The following ATP6V1A variants were observed in gnomAD, a reference collection of about 807,000 sequenced individuals.
ATP6V1A encodes the protein V-type proton ATPase catalytic subunit A.
A neutral mutation model predicts 70.1 loss-of-function variants in ATP6V1A; 18 were observed. The ratio of observed to expected loss-of-function variants is 0.26; its 90% CI spans 0.18 to 0.38. ATP6V1A has a LOEUF of 0.38. ATP6V1A is among the 10% of genes least tolerant of loss of function. ATP6V1A has a pLI of 1.00. For missense variants in ATP6V1A, 424 were observed against 772.4 expected, an observed-to-expected ratio of 0.55 and a Z score of 5.35; for synonymous variants, 232 against 253.8, an observed-to-expected ratio of 0.91 and a Z score of 0.82.
intron 13 of ATP6V1A, among the ~76,000 whole-genome samples, chr3:113,804,883 G>T (rs896377439): frequency 4.6e-5 from 7 of 152,120 alleles, no homozygotes; most frequent in African/African-American, 1.7e-4. Context: ...AGAAAAAAGG[G>T]GCTACTACTA....
chr3:113,790,618 C>T (rs905568413), intron 8 of ATP6V1A, among the ~76,000 whole-genome samples: 2 of 152,120 alleles, frequency 1.3e-5, no homozygotes, highest in African/African-American at 4.8e-5. Context: ...ATAAAACTTA[C>T]ATTCTATTCT....
chr3:113,771,545 C>T (rs1418999289), intron 1 of ATP6V1A, among the ~76,000 whole-genome samples: 1 of 149,288 alleles, frequency 6.7e-6, no homozygotes, highest in East Asian at 2.0e-4. Flanking sequence ...TCAGGCCATT[C>T]TCCTGCCTCA....
chr3:113,805,226 G>T lies in ATP6V1A; in HGVS notation c.1590-128G>T, dbSNP rs186116195. 2,862 of 913,210 alleles carry T rather than the reference G, an allele frequency of 3.1e-3. 9 individuals are homozygous for T. Among genetic ancestry groups the T allele is most frequent in the Non-Finnish European group, 4.3e-3 (2,599 of 607,100 alleles). 56.6% of individuals were successfully genotyped at this position (913,210 alleles called of 1,614,324 possible). A position where few individuals can be genotyped will look rare whatever the true frequency, so the allele number is the denominator to read the frequency against. ...TCACTATTATTTTTTTATTCCTTAG[G>T]TATCATCTAATAAATAAGCAATCTG... On this transcript the variant is annotated intron_variant, in intron 13 of 14. Coordinates refer to ENST00000273398, the MANE Select transcript of ATP6V1A (RefSeq NM_001690.4).
chr3:113,794,954 C>A lies in ATP6V1A; in HGVS notation c.1071C>A (p.Ala357=). ...ACTCTACCTCTAGATGGGCTGAGGC[C>A]CTTAGAGAAATCTCTGGTCGTTTAG... is the stretch of plus-strand genomic sequence containing the variant. The part of the protein sequence containing the change: ...MADSTSRWAE[A]LREISGRLAE... Residue 357 remains alanine, a synonymous_variant, in exon 9 of 15, where the codon GCC becomes GCA. Coordinates refer to ENST00000273398, the MANE Select transcript of ATP6V1A (RefSeq NM_001690.4). 2 of 1,613,984 alleles carry A rather than the reference C, an allele frequency of 1.2e-6. No homozygotes were observed. Among genetic ancestry groups the A allele is most frequent in the Non-Finnish European group, 1.7e-6 (2 of 1,179,962 alleles).
At position 113,762,436 on chromosome 3, in the gene ATP6V1A, C is replaced by T. The variant is rs932391749; in HGVS notation, c.-14+15323C>T. Among the ~76,000 whole-genome samples the T allele has an allele frequency of 9.9e-5, 15 of 152,092 alleles. No individual in the cohort carries two copies. The South Asian group carries it at 2.3e-3, about 23-fold the overall frequency. On this transcript the variant is annotated intron_variant, in intron 1 of 14. Transcript: ENST00000273398. ...ATACAAAATTAGCTGGGCGTGGTGG[C>T]GCATACCTGTAATCCCAGCTACTCG...
At chr3:113,795,779 G>A (rs113383608) in intron 10 of ATP6V1A, 97 bp from the exon 11 acceptor site, 40 of 910,130 alleles carry the variant, frequency 4.4e-5, no homozygotes, top group African/African-American at 3.3e-4. Flanking sequence ...CATTAAAATC[G>A]ACTTTAAAAA....
chr3:113,806,648 C>T (rs553061162), intron 14 of ATP6V1A, among the ~76,000 whole-genome samples: 4 of 152,074 alleles, frequency 2.6e-5, no homozygotes, highest in Admixed American at 1.3e-4. Context: ...TTAGTAGAGA[C>T]GGGGTTTCAC....
chr3:113,784,517 T>TA, intron 4 of ATP6V1A, 79 bp downstream of exon 4: 3 of 1,426,426 alleles, frequency 2.1e-6, no homozygotes, highest in Non-Finnish European at 2.9e-6. Context: ...ATTGTACTCT[T>TA]AGTCCAAATA....
intron 1 of ATP6V1A, 52 bp from the exon 2 acceptor site, chr3:113,778,689 T>C (rs1213017922): frequency 1.7e-6 from 2 of 1,174,636 alleles, no homozygotes; most frequent in Non-Finnish European, 2.3e-6. Context: ...ATTTTGGGTC[T>C]TTTGCTTTAC....
At chr3:113,773,747 C>T (rs1708877285) in intron 1 of ATP6V1A, among the ~76,000 whole-genome samples, 1 of 152,148 alleles carries the variant, frequency 6.6e-6, no homozygotes, top group South Asian at 2.1e-4. Context: ...CCTCTTTGTT[C>T]ATCCCTCCAA....
intron 1 of ATP6V1A, among the ~76,000 whole-genome samples, chr3:113,766,603 A>G (rs921841456): frequency 2.0e-5 from 3 of 152,094 alleles, no homozygotes; most frequent in Non-Finnish European, 4.4e-5. Flanking sequence ...CTCAGAGATC[A>G]TCTCTAGAGG....
At chr3:113,784,946 GTAACTCCTA>G (rs1460476436) in intron 5 of ATP6V1A, 113 bp downstream of exon 5, 1 of 1,151,496 alleles carries the variant, frequency 8.7e-7, no homozygotes, top group African/African-American at 1.6e-5. Flanking sequence ...TAAGTTTTGA[GTAACTCCTA>G]TAATTTTTGA....
chr3:113,748,187 G>A (rs187265477), intron 1 of ATP6V1A, among the ~76,000 whole-genome samples: 1 of 152,244 alleles, frequency 6.6e-6, no homozygotes, highest in Admixed American at 6.5e-5. Context: ...AGTATTTTGT[G>A]AAAATACAGA....
chr3:113,796,504 A>G (rs1709154535), intron 11 of ATP6V1A, among the ~76,000 whole-genome samples: 1 of 152,232 alleles, frequency 6.6e-6, no homozygotes. Flanking sequence ...AGCCACATCC[A>G]GGTGAAAGCA....
At chr3:113,770,476 C>T (rs1708823923) in intron 1 of ATP6V1A, among the ~76,000 whole-genome samples, 1 of 151,752 alleles carries the variant, frequency 6.6e-6, no homozygotes, top group Non-Finnish European at 1.5e-5. Context: ...TCAGCAGTTC[C>T]AGACTAGCCT....
rs527941453 is a variant in ATP6V1A, at chr3:113,782,587, C to CAT, written c.211+1423_211+1424dup. Among the ~76,000 whole-genome samples, 696 of 140,584 alleles carry CAT rather than the reference C, an allele frequency of 5.0e-3. 2 individuals are homozygous for CAT. The highest frequency in any genetic ancestry group is 0.012 in the East Asian group (60 of 4,916). The allele number at this position is 140,584 out of a possible 152,430, so 92.2% of individuals were successfully genotyped here. ...GTATATATATACGTATATATATACA[C>CAT]ATATATATATATATACATATATATA... On this transcript the variant is annotated intron_variant, in intron 3 of 14. Coordinates refer to ENST00000273398, the MANE Select transcript of ATP6V1A (RefSeq NM_001690.4).
chr3:113,784,491 A>G, intron 4 of ATP6V1A, 53 bp downstream of exon 4: 5 of 1,512,762 alleles, frequency 3.3e-6, no homozygotes, highest in South Asian at 1.2e-5. Context: ...TATAAAATGA[A>G]TGTTTAGTAA....
At chr3:113,780,894 G>C in intron 2 of ATP6V1A, 156 bp from the exon 3 acceptor site, 1 of 1,290,390 alleles carries the variant, frequency 7.7e-7, no homozygotes, top group South Asian at 1.5e-5. Flanking sequence ...ATATATCTAT[G>C]TGAAACTACC....
chr3:113,775,728 G>A (rs901842046), intron 1 of ATP6V1A, among the ~76,000 whole-genome samples: 1 of 152,202 alleles, frequency 6.6e-6, no homozygotes, highest in Admixed American at 6.5e-5. Context: ...TTAATAGGCA[G>A]ATGACCATGT....
Sources: allele counts gnomAD v4.1 joint callset (sites outside exome capture counted in the v4.1 genomes callset), GRCh38; gene constraint gnomAD v4.1.1; transcripts MANE v1.5; gene names NCBI Gene and HGNC (gene_info 2026-07-23, HGNC 2026-07-21).